The following MED27 variants were observed in gnomAD, a reference collection of about 807,000 sequenced individuals.
MED27 encodes the protein mediator complex subunit 27, also known as mediator of RNA polymerase II transcription subunit 27.
MED27 carries 30 observed loss-of-function variants against 38.2 expected under a neutral mutation model. That is an observed-to-expected ratio of 0.79 (90% confidence interval 0.59 to 1.07). MED27 has a LOEUF of 1.07. Ranked by LOEUF, MED27 falls within the 50% of genes least tolerant of loss-of-function variation. The pLI, the probability that MED27 is intolerant of heterozygous loss-of-function variation, is 0.00. For synonymous variants in MED27, 122 were observed against 153.5 expected, an observed-to-expected ratio of 0.79 and a Z score of 1.52; for missense variants, 289 against 397.5, an observed-to-expected ratio of 0.73 and a Z score of 2.32.
rs189420427 is a variant in MED27 at position 132,066,689 on chromosome 9, A to T, written c.348+10753T>A. On this transcript the variant is annotated intron_variant, in intron 2 of 7. Transcript: ENST00000292035. ...TAAGTGACTGCGGCAAAGGAAATGC[A>T]GAGAGCAAGTTCCAGAAGCCAAAGA... is the stretch of plus-strand genomic sequence containing the variant. 2.0e-5 allele frequency among the ~76,000 whole-genome samples: 3 copies of T among 152,328 alleles called. No homozygotes were observed. In the South Asian group the frequency reaches 6.2e-4, roughly 32 times the overall value.
chr9:131,952,422 G>A (rs1831016631), intron 3 of MED27, among the ~76,000 whole-genome samples: 1 of 152,184 alleles, frequency 6.6e-6, no homozygotes, highest in East Asian at 1.9e-4. Flanking sequence ...GGCGGCAGGG[G>A]GGCAGCAGCA....
intron 2 of MED27, among the ~76,000 whole-genome samples, chr9:132,044,104 G>C (rs1164547924): frequency 6.6e-6 from 1 of 152,156 alleles, no homozygotes; most frequent in Non-Finnish European, 1.5e-5. Context: ...GAGAAAAAAA[G>C]TCACAGAGGG....
intron 6 of MED27, among the ~76,000 whole-genome samples, chr9:131,875,989 C>T (rs544010119): frequency 3.3e-5 from 5 of 152,294 alleles, no homozygotes; most frequent in South Asian, 2.1e-4. Context: ...CCTGATGACA[C>T]GGCGAATGGC....
intron 2 of MED27, among the ~76,000 whole-genome samples, chr9:132,066,060 G>A (rs889622600): frequency 1.3e-5 from 2 of 152,200 alleles, no homozygotes; most frequent in East Asian, 3.8e-4. Context: ...CAGAGGTGGT[G>A]CTCAATTACT....
intron 4 of MED27, among the ~76,000 whole-genome samples, chr9:131,929,835 A>G (rs1211352289): frequency 6.6e-6 from 1 of 152,236 alleles, no homozygotes; most frequent in Non-Finnish European, 1.5e-5. Flanking sequence ...GAAAGGAAGG[A>G]CACAAACCTG....
chr9:132,026,945 G>T lies in MED27; in HGVS notation c.349-12478C>A, dbSNP rs372839221. Among the ~76,000 whole-genome samples the T allele has an allele frequency of 7.9e-5, 12 of 152,296 alleles. No homozygotes were observed. In the South Asian group the frequency reaches 1.5e-3, roughly 18 times the overall value. ...TTGAGGCACAGACGTTAAGCGGCAG[G>T]GTCAGGACTGGTATCCGGGGAGCCT... On this transcript the variant is annotated intron_variant, in intron 2 of 7. Coordinates refer to ENST00000292035, the MANE Select transcript of MED27 (RefSeq NM_004269.4).
chr9:131,930,070 A>G (rs946917622), intron 4 of MED27, among the ~76,000 whole-genome samples: 1 of 152,120 alleles, frequency 6.6e-6, no homozygotes, highest in Non-Finnish European at 1.5e-5. Context: ...GGGAGAAAGT[A>G]AGGGAAGAGG....
chr9:131,874,560 T>C (rs747827345), intron 6 of MED27, among the ~76,000 whole-genome samples: 4 of 151,406 alleles, frequency 2.6e-5, no homozygotes, highest in Admixed American at 6.6e-5. Flanking sequence ...AGGGATGGGG[T>C]GGAGAAGCAG....
intron 2 of MED27, among the ~76,000 whole-genome samples, chr9:132,059,554 T>C (rs1833655313): frequency 6.6e-6 from 1 of 152,338 alleles, no homozygotes; most frequent in African/African-American, 2.4e-5. Context: ...AGTCATGCTC[T>C]GAGCCAGAGG....
At chr9:131,941,887 G>A (rs954671628) in intron 3 of MED27, among the ~76,000 whole-genome samples, 6 of 140,932 alleles carry the variant, frequency 4.3e-5, no homozygotes, top group African/African-American at 1.1e-4. Flanking sequence ...GTGCAGTGGC[G>A]CAATCTCAGC....
intron 4 of MED27, among the ~76,000 whole-genome samples, chr9:131,933,572 A>AT (rs1421341130): frequency 6.6e-6 from 1 of 152,122 alleles, no homozygotes; most frequent in African/African-American, 2.4e-5. Flanking sequence ...GAAAACTCTC[A>AT]TAATGAAAAC....
intron 6 of MED27, among the ~76,000 whole-genome samples, chr9:131,881,349 C>T (rs903718519): frequency 2.0e-5 from 3 of 152,158 alleles, no homozygotes; most frequent in Admixed American, 6.5e-5. Context: ...ATGTGCTTCC[C>T]TGCACTAAAG....
chr9:132,002,394 G>C (rs1185929554), intron 3 of MED27, among the ~76,000 whole-genome samples: 1 of 152,192 alleles, frequency 6.6e-6, no homozygotes, highest in East Asian at 1.9e-4. Context: ...GATAAAATCT[G>C]TTCTGCCCTA....
In MED27 at chr9:131,862,546, G is replaced by A. The variant is rs1316933198; in HGVS notation, c.801+517C>T. Among the ~76,000 whole-genome samples the A allele has an allele frequency of 6.6e-6, 1 of 152,190 alleles. No individual in the cohort carries two copies. Among genetic ancestry groups the A allele is most frequent in the African/African-American group, 2.4e-5 (1 of 41,450 alleles). ...TCCGTGGTGTCAACACTCCCACCAAGTTTGATTTCAAACTAGTAGTGGTTG... is the reference window on the plus strand; with the variant it reads ...TCCGTGGTGTCAACACTCCCACCAAATTTGATTTCAAACTAGTAGTGGTTG... On this transcript the variant is annotated intron_variant, in intron 7 of 7. Transcript: ENST00000292035. This position sits in a 1 kb window ranked among gnomAD's most constrained non-coding sequence, Gnocchi z 4.6.
chr9:132,011,083 T>C, intron 3 of MED27, among the ~76,000 whole-genome samples: 1 of 152,066 alleles, frequency 6.6e-6, no homozygotes, highest in Non-Finnish European at 1.5e-5. Flanking sequence ...AAAAGATGGA[T>C]ATTGATATGC....
intron 3 of MED27, among the ~76,000 whole-genome samples, chr9:131,992,145 C>T (rs945494377): frequency 2.6e-5 from 4 of 152,098 alleles, no homozygotes; most frequent in African/African-American, 9.7e-5. Context: ...GTTAAGAAAA[C>T]AATGTCCTTC....
In MED27 at chr9:131,997,895, T is replaced by G. The variant is rs1832127610; in HGVS notation, c.479+16442A>C. Among the ~76,000 whole-genome samples, 1 of 152,214 alleles carries G rather than the reference T, an allele frequency of 6.6e-6. No homozygotes were observed. Among genetic ancestry groups the G allele is most frequent in the Non-Finnish European group, 1.5e-5 (1 of 68,016 alleles). ...AGTCCGATGGTGTTCCTTCCCTCAC[T>G]GCAGACTGCTTTGGTTGGTGATCTC... On this transcript the variant is annotated intron_variant, in intron 3 of 7. Coordinates refer to ENST00000292035, the MANE Select transcript of MED27 (RefSeq NM_004269.4). The surrounding 1 kb of genome is among the most constrained non-coding windows in gnomAD (Gnocchi z 4.0).
chr9:131,941,655 C>G (rs1258865935), intron 3 of MED27, among the ~76,000 whole-genome samples: 7 of 151,938 alleles, frequency 4.6e-5, no homozygotes, highest in African/African-American at 1.7e-4. Flanking sequence ...CCAAGGGAGA[C>G]TTTGATATTC....
chr9:132,066,541 T>C (rs1275370673), intron 2 of MED27, among the ~76,000 whole-genome samples: 2 of 152,182 alleles, frequency 1.3e-5, no homozygotes, highest in Non-Finnish European at 2.9e-5. Context: ...GGAGTTCCCT[T>C]CACCTGGAGA....
Sources: allele counts gnomAD v4.1 joint callset (sites outside exome capture counted in the v4.1 genomes callset), GRCh38; gene constraint gnomAD v4.1.1; non-coding constraint Gnocchi (gnomAD v3.1); transcripts MANE v1.5; gene names NCBI Gene and HGNC (gene_info 2026-07-23, HGNC 2026-07-21).